The following GSG1 variants were observed in gnomAD, a reference collection of about 807,000 sequenced individuals.
The protein encoded by GSG1 is germ cell associated 1.
A neutral mutation model predicts 30.8 loss-of-function variants in GSG1; 28 were observed. The observed-to-expected ratio is 0.91, with a 90% CI of 0.67 to 1.25. The LOEUF (loss-of-function observed/expected upper bound fraction) is 1.25. Among genes scored for constraint, GSG1 ranks in the 50% most tolerant of loss-of-function variants. The pLI is 0.00. For missense variants in GSG1, 435 were observed against 444.7 expected, an observed-to-expected ratio of 0.98 and a Z score of 0.20; for synonymous variants, 162 against 178.0, an observed-to-expected ratio of 0.91 and a Z score of 0.71.
rs867870733 is a variant in GSG1 at position 13,093,752 on chromosome 12, G to A, written c.49-2934C>T. ...GGTGCAGAAGTGCCTGCCTCACAGT[G>A]GGGACATAGGGGAGGCTGCCGAAAG... On this transcript the variant is annotated intron_variant, in intron 1 of 6. Coordinates refer to ENST00000651961, the MANE Select transcript of GSG1 (RefSeq NM_001080555.4). The surrounding 1 kb of genome is among the most constrained non-coding windows in gnomAD (Gnocchi z 4.6). Among the ~76,000 whole-genome samples the A allele has an allele frequency of 2.5e-4, 38 of 152,150 alleles. No individual in the cohort carries two copies. The highest frequency in any genetic ancestry group is 7.7e-4 in the African/African-American group (32 of 41,452).
rs1313461888 is a variant in GSG1, at chr12:13,101,847, G to A, written c.48+1618C>T. On this transcript the variant is annotated intron_variant, in intron 1 of 6. Coordinates refer to ENST00000651961, the MANE Select transcript of GSG1 (RefSeq NM_001080555.4). This position sits in a 1 kb window ranked among gnomAD's most constrained non-coding sequence, Gnocchi z 5.8. The stretch of plus-strand genomic sequence containing the variant: ...ACCACCCAGACCCCTCAGCAGATCC[G>A]AGTTCTATTTACGACCCAATGCACG... Among the ~76,000 whole-genome samples the A allele has an allele frequency of 6.6e-6, 1 of 152,314 alleles. No homozygotes were observed. Among genetic ancestry groups the A allele is most frequent in the East Asian group, 1.9e-4 (1 of 5,182 alleles).
chr12:13,087,637 G>A (rs1287183210), intron 5 of GSG1, among the ~76,000 whole-genome samples: 1 of 152,160 alleles, frequency 6.6e-6, no homozygotes, highest in Non-Finnish European at 1.5e-5. Context: ...CTGTGTGTAT[G>A]TCACAACTGA....
Position 13,088,027 on chromosome 12 carries a change from T to C in GSG1, c.514A>G (p.Thr172Ala), listed in dbSNP as rs750502868. Residue 172 changes from threonine to alanine, a missense_variant, in exon 5 of 7, where the codon ACC (threonine) becomes GCC (alanine). Transcript: ENST00000651961. Reference sequence around the variant, plus strand: ...CTGATGAATTGAAGTCCGATGTAGGTGATCTGCGTTCCCAGGGATAACCAT... The same window carrying C: ...CTGATGAATTGAAGTCCGATGTAGGCGATCTGCGTTCCCAGGGATAACCAT... ...ILWLSLGTQI[T>A]YIGLQFISFL... is the part of the protein sequence containing the mutation. The C allele has an allele frequency of 6.2e-7, 1 of 1,614,218 alleles. No individual in the cohort carries two copies. The highest frequency in any genetic ancestry group is 8.5e-7 in the Non-Finnish European group (1 of 1,180,024).
intron 1 of GSG1, among the ~76,000 whole-genome samples, chr12:13,099,210 A>G (rs1378534230): frequency 1.3e-5 from 2 of 152,184 alleles, no homozygotes; most frequent in African/African-American, 2.4e-5. Context: ...AGAGCCCAGC[A>G]TCCCACTCAC....
chr12:13,094,256 G>A (rs1866444922), intron 1 of GSG1, among the ~76,000 whole-genome samples: 1 of 152,186 alleles, frequency 6.6e-6, no homozygotes, highest in South Asian at 2.1e-4. Context: ...GACTAAGACA[G>A]TGCATATCAC....
At chr12:13,099,751 T>TTTTTTTTG (rs1863031062) in intron 1 of GSG1, among the ~76,000 whole-genome samples, 1 of 72,044 alleles carries the variant, frequency 1.4e-5, no homozygotes, top group African/African-American at 9.8e-5. Context: ...TTTTTTTTTG[T>TTTTTTTTG]TTTTTTTTTT....
intron 6 of GSG1, 114 bp downstream of exon 6, chr12:13,087,038 G>T: frequency 1.5e-6 from 1 of 676,254 alleles, no homozygotes; most frequent in African/African-American, 1.8e-5. Context: ...ACAGGCTCTT[G>T]GGATGAGGGA....
chr12:13,084,407 A>C lies in GSG1; in HGVS notation c.*494T>G, dbSNP rs961153346. ...GTGGATGCAGGACACTGTCCCAGGC[A>C]GTGTGGAGGACTTCTGTGCTATATG... On this transcript the variant is annotated 3_prime_UTR_variant, in exon 7 of 7. Coordinates refer to ENST00000651961, the MANE Select transcript of GSG1 (RefSeq NM_001080555.4). 1 of 156,002 alleles carries C rather than the reference A, an allele frequency of 6.4e-6. No individual in the cohort carries two copies. Among genetic ancestry groups the C allele is most frequent in the Non-Finnish European group, 1.4e-5 (1 of 70,268 alleles). The allele number at this position is 156,002 out of a possible 1,614,324, so 9.7% of individuals were successfully genotyped here. A position where few individuals can be genotyped will look rare whatever the true frequency, so the allele number is the denominator to read the frequency against.
chr12:13,087,732 G>A (rs529034043), intron 5 of GSG1, among the ~76,000 whole-genome samples, 175 bp downstream of exon 5: 17 of 152,318 alleles, frequency 1.1e-4, no homozygotes, highest in African/African-American at 2.4e-5. Flanking sequence ...TAAAGTACAC[G>A]GTGATCCAAT....
chr12:13,096,696 A>C (rs987948908), intron 1 of GSG1, among the ~76,000 whole-genome samples: 1 of 152,146 alleles, frequency 6.6e-6, no homozygotes, highest in Non-Finnish European at 1.5e-5. Flanking sequence ...GAGTTTCTAA[A>C]ATGCTGAAAA....
At chr12:13,097,739 T>A (rs1862839626) in intron 1 of GSG1, among the ~76,000 whole-genome samples, 1 of 152,176 alleles carries the variant, frequency 6.6e-6, no homozygotes, top group Non-Finnish European at 1.5e-5. Context: ...TCTTAATATA[T>A]ACCCAGGGAA....
rs1866415203 is a variant in GSG1, at chr12:13,093,987, A to G, written c.49-3169T>C. Among the ~76,000 whole-genome samples the G allele has an allele frequency of 6.6e-6, 1 of 152,256 alleles. No individual in the cohort carries two copies. The highest frequency in any genetic ancestry group is 2.4e-5 in the African/African-American group (1 of 41,472). On this transcript the variant is annotated intron_variant, in intron 1 of 6. Coordinates refer to ENST00000651961, the MANE Select transcript of GSG1 (RefSeq NM_001080555.4). The surrounding 1 kb of genome is among the most constrained non-coding windows in gnomAD (Gnocchi z 4.6). ...GCAGTTTATACAGTTATATTAATGC[A>G]CATGGAACAGAAAAGAAGCCCATGG... is the stretch of plus-strand genomic sequence containing the variant.
rs771887535 is a variant in GSG1, at chr12:13,098,456, A to ATT, written c.48+5007_48+5008dup. Among the ~76,000 whole-genome samples, 108 of 47,396 alleles carry ATT rather than the reference A, an allele frequency of 2.3e-3. 25 individuals are homozygous for ATT. The highest frequency in any genetic ancestry group is 3.2e-3 in the Non-Finnish European group (83 of 26,096). The allele number at this position is 47,396 out of a possible 152,430, so 31.1% of individuals were successfully genotyped here. On this transcript the variant is annotated intron_variant, in intron 1 of 6. Coordinates refer to ENST00000651961, the MANE Select transcript of GSG1 (RefSeq NM_001080555.4). ...CTTGTAGGATTGTTTCATGTAGCCC[A>ATT]TTTTTTTTTTTTTTTTTTTTTTTTT...
At chr12:13,100,360 A>G (rs1364068830) in intron 1 of GSG1, among the ~76,000 whole-genome samples, 1 of 152,230 alleles carries the variant, frequency 6.6e-6, no homozygotes, top group African/African-American at 2.4e-5. Context: ...TTCCAGGCAG[A>G]TGCACCCAGA....
Position 13,101,311 on chromosome 12 carries a change from A to T in GSG1, c.48+2154T>A, listed in dbSNP as rs1863179610. Among the ~76,000 whole-genome samples the T allele has an allele frequency of 6.6e-6, 1 of 152,132 alleles. No homozygotes were observed. On this transcript the variant is annotated intron_variant, in intron 1 of 6. Transcript: ENST00000651961. This position sits in a 1 kb window ranked among gnomAD's most constrained non-coding sequence, Gnocchi z 5.8. Reference sequence around the variant, plus strand: ...CGTTTACTACGGCGCCCGGTCGCCTAGCAGCGGGGCGCGTTGCCGCGGCGA... The same window carrying T: ...CGTTTACTACGGCGCCCGGTCGCCTTGCAGCGGGGCGCGTTGCCGCGGCGA...
intron 4 of GSG1, 78 bp from the exon 5 acceptor site, chr12:13,088,137 A>G (rs751182064): frequency 1.0e-5 from 16 of 1,525,702 alleles, no homozygotes; most frequent in East Asian, 4.5e-5. Context: ...TAGGATGCCT[A>G]TTAGGAGTTA....
At chr12:13,095,775 T>C in intron 1 of GSG1, 3 of 1,524,910 alleles carry the variant, frequency 2.0e-6, no homozygotes, top group Non-Finnish European at 1.8e-6. Context: ...GATTAAATGC[T>C]GCCTTACAGG....
intron 1 of GSG1, among the ~76,000 whole-genome samples, chr12:13,097,190 C>A (rs1866730395): frequency 6.6e-6 from 1 of 152,180 alleles, no homozygotes; most frequent in Admixed American, 6.5e-5. Context: ...ATCCTCCAAG[C>A]CTTTGCTGAT....
At chr12:13,090,396 T>C in intron 2 of GSG1, 107 bp downstream of exon 2, 1 of 1,053,626 alleles carries the variant, frequency 9.5e-7, no homozygotes, top group Non-Finnish European at 1.4e-6. Context: ...AGTGCTGCAC[T>C]TCCAGGGCAA....
Sources: gnomAD v4.1 joint callset for allele counts (sites outside exome capture counted in the v4.1 genomes callset) on GRCh38, gnomAD v4.1.1 for gene constraint, Gnocchi (gnomAD v3.1) non-coding constraint, MANE v1.5 for transcripts, NCBI Gene and HGNC (gene_info 2026-07-23, HGNC 2026-07-21) for gene names.